Variants in PCDH15 observed in about 807,000 individuals in gnomAD.
PCDH15 encodes protocadherin related 15, also known as protocadherin-15.
A neutral mutation model predicts 178.5 loss-of-function variants in PCDH15; 129 were observed. That is an observed-to-expected ratio of 0.72 (90% CI 0.63 to 0.84). The LOEUF is 0.84. PCDH15 is among the 40% of genes least tolerant of loss of function. The pLI, the probability that PCDH15 is intolerant of heterozygous loss-of-function variation, is 0.00. For synonymous variants in PCDH15, 800 were observed against 732.0 expected (o/e 1.09, Z -1.50); for missense variants, 2,230 against 2,099.9 (o/e 1.06, Z -1.21).
intron 3 of PCDH15, among the ~76,000 whole-genome samples, chr10:54,444,640 A>G (rs560170600): frequency 1.3e-5 from 2 of 151,860 alleles, no homozygotes; most frequent in South Asian, 4.1e-4. Context: ...AAACTAGCAC[A>G]GAAGCTTGTC....
At chr10:54,428,935 C>G (rs1389258199) in intron 3 of PCDH15, among the ~76,000 whole-genome samples, 8 of 152,144 alleles carry the variant, frequency 5.3e-5, no homozygotes, top group African/African-American at 1.9e-4. Flanking sequence ...CAATACCAGA[C>G]CTATCAAAGA....
At chr10:53,890,804 A>C (rs1406078196) in intron 26 of PCDH15, among the ~76,000 whole-genome samples, 2 of 152,184 alleles carry the variant, frequency 1.3e-5, no homozygotes, top group Non-Finnish European at 2.9e-5. Context: ...AAGTCTCTGC[A>C]ATTCTCAGAT....
At chr10:54,570,488 C>T (rs1287930157) in intron 2 of PCDH15, among the ~76,000 whole-genome samples, 1 of 152,080 alleles carries the variant, frequency 6.6e-6, no homozygotes, top group Non-Finnish European at 1.5e-5. Flanking sequence ...TTAATTTCAA[C>T]TTACTGATCC....
intron 15 of PCDH15, among the ~76,000 whole-genome samples, chr10:54,119,173 T>C (rs1458404945): frequency 6.6e-6 from 1 of 152,022 alleles, no homozygotes; most frequent in Non-Finnish European, 1.5e-5. Flanking sequence ...AAATGACAGA[T>C]AAATAATATA....
chr10:55,019,925 G>A (rs1350325928), intron 2 of PCDH15, among the ~76,000 whole-genome samples: 1 of 114,980 alleles, frequency 8.7e-6, no homozygotes, highest in Non-Finnish European at 1.9e-5. Flanking sequence ...ATTACTAGAA[G>A]GGAAGTAAAA....
At chr10:54,453,217 A>G (rs887515104) in intron 3 of PCDH15, among the ~76,000 whole-genome samples, 2 of 152,246 alleles carry the variant, frequency 1.3e-5, no homozygotes, top group East Asian at 1.9e-4. Context: ...TATGTTTATC[A>G]CGGCACTATT....
chr10:54,398,031 A>G (rs1951464474), intron 3 of PCDH15, among the ~76,000 whole-genome samples: 1 of 151,958 alleles, frequency 6.6e-6, no homozygotes, highest in Non-Finnish European at 1.5e-5. Context: ...CAATTATCTT[A>G]TTCATTGCTT....
intron 2 of PCDH15, among the ~76,000 whole-genome samples, chr10:54,646,973 A>T (rs971188451): frequency 6.6e-6 from 1 of 152,092 alleles, no homozygotes; most frequent in African/African-American, 2.4e-5. Flanking sequence ...ATGATCCATG[A>T]ATCCTACTTC....
chr10:54,951,989 G>A (rs2131875345), intron 2 of PCDH15, among the ~76,000 whole-genome samples: 1 of 151,794 alleles, frequency 6.6e-6, no homozygotes, highest in Non-Finnish European at 1.5e-5. Context: ...TCAATCCGTG[G>A]CTTCTCTTTT....
At chr10:53,970,957 G>C (rs2089621091) in intron 21 of PCDH15, among the ~76,000 whole-genome samples, 1 of 152,058 alleles carries the variant, frequency 6.6e-6, no homozygotes, top group African/African-American at 2.4e-5. Context: ...GCATCATCCT[G>C]ATACTAAAGC....
At chr10:55,355,886 C>T (rs1440066734) in intron 2 of PCDH15, among the ~76,000 whole-genome samples, 3 of 151,874 alleles carry the variant, frequency 2.0e-5, no homozygotes, top group Non-Finnish European at 4.4e-5. Flanking sequence ...TGATTCTTAA[C>T]CTGGATTAAC....
chr10:54,283,120 G>C (rs1377122038), intron 8 of PCDH15, among the ~76,000 whole-genome samples: 1 of 152,070 alleles, frequency 6.6e-6, no homozygotes, highest in Non-Finnish European at 1.5e-5. Flanking sequence ...TGATAGCGTA[G>C]AGAAACTAAG....
intron 15 of PCDH15, among the ~76,000 whole-genome samples, chr10:54,090,809 A>C (rs1489079921): frequency 6.6e-6 from 1 of 152,192 alleles, no homozygotes; most frequent in Non-Finnish European, 1.5e-5. Flanking sequence ...ATGACTTCAA[A>C]ACCGGGCTCC....
At chr10:54,627,234 C>A (rs987805347) in intron 2 of PCDH15, among the ~76,000 whole-genome samples, 1 of 151,936 alleles carries the variant, frequency 6.6e-6, no homozygotes. Context: ...GGGGGACTCT[C>A]GGGAAGGCAT....
At chr10:54,363,646 T>A (rs1392336296) in intron 5 of PCDH15, among the ~76,000 whole-genome samples, 1 of 152,152 alleles carries the variant, frequency 6.6e-6, no homozygotes, top group Non-Finnish European at 1.5e-5. Context: ...TGCTGAGTCA[T>A]AGGGTGTCTG....
chr10:55,017,049 G>T (rs1002900529), intron 2 of PCDH15, among the ~76,000 whole-genome samples: 10 of 152,194 alleles, frequency 6.6e-5, no homozygotes, highest in Middle Eastern at 3.4e-3. Context: ...GAAGGTATGT[G>T]TATGCATCTA....
intron 26 of PCDH15, among the ~76,000 whole-genome samples, chr10:53,888,350 GTA>G (rs1334787307): frequency 6.7e-5 from 4 of 60,028 alleles, no homozygotes; most frequent in Admixed American, 2.4e-4. Context: ...ATATATATAC[GTA>G]TATATACATA....
chr10:54,215,092 C>A (rs2051866029), intron 9 of PCDH15, among the ~76,000 whole-genome samples: 1 of 152,006 alleles, frequency 6.6e-6, no homozygotes, highest in Non-Finnish European at 1.5e-5. Context: ...ATTATGGAAA[C>A]CTACTCTGTG....
At chr10:54,602,238 AT>A (rs1325597673) in intron 2 of PCDH15, among the ~76,000 whole-genome samples, 3 of 151,902 alleles carry the variant, frequency 2.0e-5, no homozygotes, top group African/African-American at 7.2e-5. Flanking sequence ...GATTAAATAT[AT>A]TTCAAAGTAT....
Sources: allele counts gnomAD v4.1 joint callset (sites outside exome capture counted in the v4.1 genomes callset), GRCh38; gene constraint gnomAD v4.1.1; transcripts MANE v1.5; gene names NCBI Gene and HGNC (gene_info 2026-07-23, HGNC 2026-07-21).